VSTM2L: variants seen among roughly 807,000 people sequenced by gnomAD.
VSTM2L encodes V-set and transmembrane domain-containing protein 2-like protein.
A neutral mutation model predicts 19.9 loss-of-function variants in VSTM2L; 9 were observed. The ratio of observed to expected loss-of-function variants is 0.45; its 90% CI spans 0.27 to 0.79. The LOEUF is 0.79. Ranked by LOEUF, VSTM2L falls within the 30% of genes least tolerant of loss-of-function variation. The pLI, the probability that VSTM2L is intolerant of heterozygous loss-of-function variation, is 0.15. For missense variants in VSTM2L, 286 were observed against 295.5 expected (o/e 0.97, Z 0.24); for synonymous variants, 127 against 133.8 (o/e 0.95, Z 0.35).
At chr20:37,942,611 T>G (rs2072978782) in intron 3 of VSTM2L, among the ~76,000 whole-genome samples, 1 of 152,046 alleles carries the variant, frequency 6.6e-6, no homozygotes, top group Non-Finnish European at 1.5e-5. Context: ...GAATCTATGG[T>G]GATAGAAGTC....
At chr20:37,905,279 G>A (rs559791459) in intron 1 of VSTM2L, among the ~76,000 whole-genome samples, 3 of 152,116 alleles carry the variant, frequency 2.0e-5, no homozygotes, top group Non-Finnish European at 4.4e-5. Context: ...GTCCCGAGGG[G>A]TATGAGGAAT....
At chr20:37,930,273 G>T (rs2072901080) in intron 1 of VSTM2L, among the ~76,000 whole-genome samples, 1 of 152,182 alleles carries the variant, frequency 6.6e-6, no homozygotes, top group African/African-American at 2.4e-5. Flanking sequence ...CCTGGGGACA[G>T]GGGGATGAGA....
chr20:37,942,635 G>A (rs907751751), intron 3 of VSTM2L, among the ~76,000 whole-genome samples: 7 of 152,232 alleles, frequency 4.6e-5, no homozygotes, highest in African/African-American at 1.7e-4. Flanking sequence ...CAGAAAGCGG[G>A]GGACCCCAGA....
intron 1 of VSTM2L, among the ~76,000 whole-genome samples, chr20:37,914,382 ATG>A (rs1258705264): frequency 4.7e-4 from 1 of 2,108 alleles, no homozygotes; most frequent in Admixed American, 5.4e-3. Flanking sequence ...GTGTGGGTGT[ATG>A]TGTGGGTGTG....
At chr20:37,927,560 G>A (rs2122962298) in intron 1 of VSTM2L, among the ~76,000 whole-genome samples, 1 of 152,312 alleles carries the variant, frequency 6.6e-6, no homozygotes, top group Non-Finnish European at 1.5e-5. Context: ...GGCCCAGAAG[G>A]TGTCTGGGGA....
chr20:37,931,789 G>A lies in VSTM2L; in HGVS notation c.276G>A (p.Ala92=), dbSNP rs191522561. The A allele has an allele frequency of 1.2e-4, 201 of 1,613,754 alleles. No homozygotes were observed. The highest frequency in any genetic ancestry group is 7.9e-4 in the African/African-American group (59 of 75,076). Residue 92 remains alanine, a synonymous_variant, in exon 2 of 4, where the codon GCG becomes GCA. Transcript: ENST00000373461. ...RSHRDWTDKQ[A]WASNQLKASQ... The stretch of plus-strand genomic sequence containing the variant: ...ACCGGGACTGGACCGACAAGCAGGC[G>A]TGGGCCTCGAACCAGGTAATGCCCC...
At chr20:37,926,250 C>T (rs2072878630) in intron 1 of VSTM2L, among the ~76,000 whole-genome samples, 1 of 152,136 alleles carries the variant, frequency 6.6e-6, no homozygotes, top group Non-Finnish European at 1.5e-5. Flanking sequence ...TTGGTAGAGA[C>T]GAGGTTTCAC....
In VSTM2L at chr20:37,944,432, C is replaced by T; in HGVS notation, c.*179C>T. ...GCTCAGCATGTAAGCCCCACCCACCCCTGCCCTTTCAGACCCCTGCGGTGA... is the reference window on the plus strand; with the variant it reads ...GCTCAGCATGTAAGCCCCACCCACCTCTGCCCTTTCAGACCCCTGCGGTGA... On this transcript the variant is annotated 3_prime_UTR_variant, in exon 4 of 4. Coordinates refer to ENST00000373461, the MANE Select transcript of VSTM2L (RefSeq NM_080607.3). 6.8e-6 allele frequency: 8 copies of T among 1,178,770 alleles called. No individual in the cohort carries two copies. Among genetic ancestry groups the T allele is most frequent in the Non-Finnish European group, 8.8e-6 (8 of 909,478 alleles). The allele number at this position is 1,178,770 out of a possible 1,614,324, so 73.0% of individuals were successfully genotyped here. A position where few individuals can be genotyped will look rare whatever the true frequency, so the allele number is the denominator to read the frequency against.
intron 1 of VSTM2L, among the ~76,000 whole-genome samples, chr20:37,909,142 G>T (rs1208562638): frequency 6.6e-6 from 1 of 152,202 alleles, no homozygotes; most frequent in Non-Finnish European, 1.5e-5. Flanking sequence ...TGGCTCTGGG[G>T]TGGAAGGAGT....
intron 1 of VSTM2L, among the ~76,000 whole-genome samples, chr20:37,922,905 G>A (rs561933636): frequency 1.3e-4 from 20 of 151,508 alleles, no homozygotes; most frequent in South Asian, 4.1e-4. Flanking sequence ...CAGGGCCCAC[G>A]CGTGAGTAAA....
intron 3 of VSTM2L, among the ~76,000 whole-genome samples, chr20:37,935,849 C>T (rs1414865106): frequency 9.9e-5 from 15 of 151,418 alleles, no homozygotes; most frequent in South Asian, 8.4e-4. Context: ...CACAGACATA[C>T]GCCCAGGCCA....
intron 1 of VSTM2L, among the ~76,000 whole-genome samples, chr20:37,906,575 G>A (rs1433360663): frequency 1.3e-5 from 2 of 152,238 alleles, no homozygotes; most frequent in Admixed American, 1.3e-4. Context: ...GGTTGGTGTT[G>A]GAGATAGGAG....
At chr20:37,934,018 CA>C (rs1360594067) in intron 3 of VSTM2L, among the ~76,000 whole-genome samples, 3 of 152,358 alleles carry the variant, frequency 2.0e-5, no homozygotes, top group Admixed American at 6.5e-5. Flanking sequence ...CAAAGGATTT[CA>C]GGACTGGCCA....
intron 3 of VSTM2L, among the ~76,000 whole-genome samples, chr20:37,938,093 G>T (rs1044411082): frequency 6.6e-6 from 1 of 151,822 alleles, no homozygotes; most frequent in Non-Finnish European, 1.5e-5. Flanking sequence ...AGGTTGTGTA[G>T]ATCTGGGAGG....
chr20:37,910,752 C>CAA (rs112717420), intron 1 of VSTM2L, among the ~76,000 whole-genome samples: 2 of 150,340 alleles, frequency 1.3e-5, no homozygotes, highest in African/African-American at 2.5e-5. Flanking sequence ...GTCTCTCAAA[C>CAA]AAAAAAAATA....
At chr20:37,939,323 C>T (rs969802210) in intron 3 of VSTM2L, among the ~76,000 whole-genome samples, 2 of 151,854 alleles carry the variant, frequency 1.3e-5, no homozygotes, top group Non-Finnish European at 2.9e-5. Flanking sequence ...GGTGCTGAAG[C>T]GGGAGGATTG....
intron 1 of VSTM2L, among the ~76,000 whole-genome samples, chr20:37,911,291 G>A (rs2072778263): frequency 6.8e-6 from 1 of 147,532 alleles, no homozygotes; most frequent in Non-Finnish European, 1.5e-5. Context: ...GAAACACAGA[G>A]AAGGACACTC....
At chr20:37,934,888 T>C (rs1310813635) in intron 3 of VSTM2L, among the ~76,000 whole-genome samples, 1 of 152,072 alleles carries the variant, frequency 6.6e-6, no homozygotes, top group African/African-American at 2.4e-5. Flanking sequence ...GGTCTGAAAA[T>C]TCAAGCCATT....
Position 37,931,725 on chromosome 20 carries a change from C to G in VSTM2L, c.212C>G (p.Ser71Cys), listed in dbSNP as rs1432104843. ...ACSFRGSGSP[S>C]YSLEIQWWYV... ...TCCTTCCGCGGCAGCGGCTCCCCCT[C>G]CTACTCGCTGGAGATCCAGTGGTGG... is the stretch of plus-strand genomic sequence containing the variant. Residue 71 changes from serine (S) to cysteine (C), a missense_variant, in exon 2 of 4, where the codon TCC becomes TGC. By Grantham distance (112) the Ser-to-Cys change is moderately radical (BLOSUM62 -1). Coordinates refer to ENST00000373461, the MANE Select transcript of VSTM2L (RefSeq NM_080607.3). 4.3e-6 allele frequency: 7 copies of G among 1,613,744 alleles called. No individual in the cohort carries two copies. The highest frequency in any genetic ancestry group is 5.9e-6 in the Non-Finnish European group (7 of 1,180,036).
Sources: allele counts gnomAD v4.1 joint callset (sites outside exome capture counted in the v4.1 genomes callset), GRCh38; gene constraint gnomAD v4.1.1; transcripts MANE v1.5; gene names NCBI Gene and HGNC (gene_info 2026-07-23, HGNC 2026-07-21).